PREX2: variants seen among roughly 807,000 people sequenced by gnomAD.
PREX2 encodes phosphatidylinositol-3,4,5-trisphosphate dependent Rac exchange factor 2.
In PREX2, 107 loss-of-function variants were observed where a neutral mutation model predicts 203.2. The observed-to-expected ratio is 0.53, with a 90% CI of 0.45 to 0.62. The LOEUF (loss-of-function observed/expected upper bound fraction) is 0.62, where lower values mean the gene tolerates loss of function less well. Among genes scored for constraint, PREX2 ranks in the 20% least tolerant of loss-of-function variants. The pLI is 0.00. For missense variants in PREX2, 1,777 were observed against 1,955.9 expected (o/e 0.91, Z 1.72); for synonymous variants, 672 against 663.6 (o/e 1.01, Z -0.19).
At chr8:67,967,575 T>C (rs931019283) in intron 1 of PREX2, among the ~76,000 whole-genome samples, 1 of 152,204 alleles carries the variant, frequency 6.6e-6, no homozygotes, top group Non-Finnish European at 1.5e-5. Flanking sequence ...GAAAAGCTTC[T>C]GCTGGAAATG....
intron 35 of PREX2, among the ~76,000 whole-genome samples, chr8:68,175,357 T>C (rs1421325735): frequency 6.6e-6 from 1 of 152,046 alleles, no homozygotes; most frequent in Non-Finnish European, 1.5e-5. Context: ...CAGAAGCCTG[T>C]AAGTGAGGCA....
At chr8:68,152,234 C>T (rs892395886) in intron 34 of PREX2, among the ~76,000 whole-genome samples, 3 of 133,950 alleles carry the variant, frequency 2.2e-5, no homozygotes, top group Non-Finnish European at 4.6e-5. Context: ...TGCAGTGAGT[C>T]GAGATCACGC....
chr8:67,976,207 A>G (rs1375181389), intron 1 of PREX2, among the ~76,000 whole-genome samples: 1 of 152,160 alleles, frequency 6.6e-6, no homozygotes, highest in Non-Finnish European at 1.5e-5. Flanking sequence ...GTCTCCCAAG[A>G]CTAGGTCTTA....
chr8:68,090,740 G>A, intron 20 of PREX2, 25 bp downstream of exon 20: 1 of 1,601,894 alleles, frequency 6.2e-7, no homozygotes, highest in South Asian at 1.1e-5. Context: ...AGATAATCTG[G>A]ATCTGAGTGA....
intron 22 of PREX2, among the ~76,000 whole-genome samples, chr8:68,097,458 G>T (rs1305104170): frequency 6.6e-6 from 1 of 151,948 alleles, no homozygotes; most frequent in Admixed American, 6.6e-5. Context: ...CCAAGTAGCT[G>T]GGATTACAGG....
At chr8:68,150,613 C>G (rs1811414142) in intron 34 of PREX2, among the ~76,000 whole-genome samples, 1 of 152,184 alleles carries the variant, frequency 6.6e-6, no homozygotes, top group South Asian at 2.1e-4. Context: ...AACAATAGCC[C>G]TACCTGCTTC....
At chr8:68,109,253 T>C (rs1810483865) in intron 24 of PREX2, among the ~76,000 whole-genome samples, 163 bp from the exon 25 acceptor site, 1 of 152,192 alleles carries the variant, frequency 6.6e-6, no homozygotes, top group South Asian at 2.1e-4. Context: ...ATTACCTAGA[T>C]TTAGTCATTG....
At chr8:68,055,170 C>T (rs999469989) in intron 9 of PREX2, among the ~76,000 whole-genome samples, 2 of 152,186 alleles carry the variant, frequency 1.3e-5, no homozygotes, top group African/African-American at 4.8e-5. Context: ...CTACCTTTCT[C>T]CTCCCACTGG....
chr8:68,177,458 AG>A (rs768450140), intron 35 of PREX2, among the ~76,000 whole-genome samples: 10 of 152,126 alleles, frequency 6.6e-5, no homozygotes, highest in Non-Finnish European at 1.5e-4. Flanking sequence ...CCAACTACTC[AG>A]GTAGGTGAGG....
At chr8:68,003,168 CT>C (rs1356782504) in intron 1 of PREX2, among the ~76,000 whole-genome samples, 3 of 151,980 alleles carry the variant, frequency 2.0e-5, no homozygotes, top group Non-Finnish European at 4.4e-5. Flanking sequence ...CCCTGTATTT[CT>C]CCATGTAATA....
intron 34 of PREX2, 92 bp from the exon 35 acceptor site, chr8:68,157,229 TG>T (rs1477711553): frequency 7.0e-6 from 4 of 569,472 alleles, no homozygotes; most frequent in African/African-American, 1.9e-5. Context: ...TGGTCCTATT[TG>T]CTAAATTTAC....
At chr8:67,956,684 C>T (rs146389535) in intron 1 of PREX2, among the ~76,000 whole-genome samples, 358 of 152,274 alleles carry the variant, frequency 2.4e-3, no homozygotes, top group Non-Finnish European at 3.7e-3. Context: ...ACTGTCTAAA[C>T]TGGGACACTT....
intron 1 of PREX2, among the ~76,000 whole-genome samples, chr8:68,005,944 G>T (rs533863944): frequency 6.6e-6 from 1 of 152,144 alleles, no homozygotes; most frequent in African/African-American, 2.4e-5. Context: ...AATGACAAGA[G>T]GTAAAAATAT....
In PREX2 at chr8:68,134,292, G is replaced by T; in HGVS notation, c.3984+16G>T. 6.3e-7 allele frequency: 1 copy of T among 1,580,020 alleles called. No homozygotes were observed. The highest frequency in any genetic ancestry group is 1.1e-5 in the South Asian group (1 of 90,338). On this transcript the variant is annotated intron_variant, in intron 32 of 39. Coordinates refer to ENST00000288368, the MANE Select transcript of PREX2 (RefSeq NM_024870.4). ...ACCAAACTTGGTAAGGAAATCACATGACTCCCACTGTCTGTGTCAACTGTA... is the reference window on the plus strand; with the variant it reads ...ACCAAACTTGGTAAGGAAATCACATTACTCCCACTGTCTGTGTCAACTGTA...
chr8:68,169,935 G>A (rs1252534864), intron 35 of PREX2, among the ~76,000 whole-genome samples: 1 of 152,140 alleles, frequency 6.6e-6, no homozygotes, highest in African/African-American at 2.4e-5. Flanking sequence ...TCTTTTAGAT[G>A]GTGGAAAATG....
chr8:68,038,493 A>C (rs1410461594), intron 7 of PREX2, among the ~76,000 whole-genome samples: 1 of 152,000 alleles, frequency 6.6e-6, no homozygotes, highest in Non-Finnish European at 1.5e-5. Context: ...TAAAACCTAA[A>C]CTGAAATGTC....
chr8:67,986,344 T>A (rs1806423248), intron 1 of PREX2, among the ~76,000 whole-genome samples: 1 of 151,490 alleles, frequency 6.6e-6, no homozygotes, highest in Admixed American at 6.6e-5. Context: ...GGATTTGAAC[T>A]GAAGAAGTCT....
chr8:68,058,721 C>T lies in PREX2; in HGVS notation c.1239-1958C>T, dbSNP rs114760064. Among the ~76,000 whole-genome samples the T allele has an allele frequency of 3.3e-3, 499 of 152,266 alleles. 8 individuals carry two copies. Among genetic ancestry groups the T allele is most frequent in the African/African-American group, 0.012 (485 of 41,550 alleles). On this transcript the variant is annotated intron_variant, in intron 10 of 39. Coordinates refer to ENST00000288368, the MANE Select transcript of PREX2 (RefSeq NM_024870.4). ...AAATGCTGGGATTATAGGCATGAGC[C>T]ACTTTGCCCGGCCCGACATTCTTAA...
chr8:67,952,134 C>A lies in PREX2; in HGVS notation c.-261C>A, dbSNP rs1438889100. 6.1e-6 allele frequency: 2 copies of A among 327,450 alleles called. No homozygotes were observed. The highest frequency in any genetic ancestry group is 1.1e-5 in the Non-Finnish European group (2 of 183,596). 20.3% of individuals were successfully genotyped at this position (327,450 alleles called of 1,614,324 possible). A position where few individuals can be genotyped will look rare whatever the true frequency, so the allele number is the denominator to read the frequency against. ...CCGTGTGAGGCCAGAGCAGCGGGGC[C>A]GGGCGCGCAGGGCCTGGCCGGAGCC... is the stretch of plus-strand genomic sequence containing the variant. On this transcript the variant is annotated 5_prime_UTR_variant, in exon 1 of 40. Coordinates refer to ENST00000288368, the MANE Select transcript of PREX2 (RefSeq NM_024870.4).
Sources: allele counts gnomAD v4.1 joint callset (sites outside exome capture counted in the v4.1 genomes callset), GRCh38; gene constraint gnomAD v4.1.1; transcripts MANE v1.5; gene names NCBI Gene and HGNC (gene_info 2026-07-23, HGNC 2026-07-21).